The following UMAD1 variants were observed in gnomAD, a reference collection of about 807,000 sequenced individuals.
The protein encoded by UMAD1 is UBAP1-MVB12-associated (UMA)-domain containing protein 1.
UMAD1 carries 8 observed loss-of-function variants against 6.1 expected under a neutral mutation model. The ratio of observed to expected loss-of-function variants is 1.30; its 90% CI spans 0.76 to 2.35. UMAD1 has a LOEUF of 2.35. UMAD1 is among the 30% of genes most tolerant of loss of function. The probability of loss-of-function intolerance (pLI) is 0.00; values close to 1 mark genes in which losing one functional copy is unlikely to be tolerated. For missense variants in UMAD1, 130 were observed against 78.4 expected (o/e 1.66, Z -2.49); for synonymous variants, 56 against 31.4 (o/e 1.78, Z -2.61).
At chr7:7,691,336 AGTC>A (rs1486745826) in intron 2 of UMAD1, among the ~76,000 whole-genome samples, 13 of 152,362 alleles carry the variant, frequency 8.5e-5, no homozygotes, top group African/African-American at 2.2e-4. Flanking sequence ...AGATATTTGT[AGTC>A]GTCATCATTA....
intron 3 of UMAD1, among the ~76,000 whole-genome samples, chr7:7,856,989 G>A (rs1041742896): frequency 7.9e-5 from 12 of 152,124 alleles, no homozygotes; most frequent in African/African-American, 2.9e-4. Context: ...ACTTTTTATA[G>A]TTGATGATCC....
intron 2 of UMAD1, among the ~76,000 whole-genome samples, chr7:7,791,618 C>T (rs1391444765): frequency 6.6e-6 from 1 of 152,148 alleles, no homozygotes; most frequent in Non-Finnish European, 1.5e-5. Context: ...TCAAGATCTT[C>T]CAGAAAAATT....
chr7:7,698,125 G>A (rs1031125360), intron 2 of UMAD1, among the ~76,000 whole-genome samples: 7 of 152,224 alleles, frequency 4.6e-5, no homozygotes, highest in Admixed American at 2.6e-4. Flanking sequence ...GTTAGACACT[G>A]TGCTGACAGG....
At chr7:7,834,595 C>T (rs181754914) in intron 3 of UMAD1, among the ~76,000 whole-genome samples, 5 of 147,160 alleles carry the variant, frequency 3.4e-5, no homozygotes, top group Admixed American at 3.3e-4. Flanking sequence ...TTGCAGATGG[C>T]CACCTTCTTG....
rs547346666 is a variant in UMAD1, at chr7:7,840,134, CAG to C, written c.157-37144_157-37143del. ...GGGGCAGGGCAGGTCACAAAATTGG[CAG>C]AGTGTAGCTTCCAGAGTATGTGAGG... On this transcript the variant is annotated intron_variant, in intron 3 of 3. Transcript: ENST00000682710. 3.3e-5 allele frequency among the ~76,000 whole-genome samples: 5 copies of C among 152,212 alleles called. No individual in the cohort carries two copies. The South Asian group carries it at 1.0e-3, about 32-fold the overall frequency.
chr7:7,653,670 C>T (rs368388740), intron 1 of UMAD1, among the ~76,000 whole-genome samples: 14 of 152,172 alleles, frequency 9.2e-5, no homozygotes, highest in African/African-American at 2.2e-4. Flanking sequence ...TGAAGTCTGA[C>T]GCTCCCAGAC....
chr7:7,840,049 T>G (rs1292854989), intron 3 of UMAD1, among the ~76,000 whole-genome samples: 1 of 152,018 alleles, frequency 6.6e-6, no homozygotes, highest in Non-Finnish European at 1.5e-5. Flanking sequence ...TCAAGCTGGA[T>G]GAAGAAAGAA....
chr7:7,730,929 T>G (rs1781236993), intron 2 of UMAD1, among the ~76,000 whole-genome samples: 1 of 152,228 alleles, frequency 6.6e-6, no homozygotes, highest in Non-Finnish European at 1.5e-5. Context: ...CTAAAGTTGT[T>G]GAACTTTGAG....
intron 3 of UMAD1, among the ~76,000 whole-genome samples, chr7:7,825,144 G>A (rs1437999691): frequency 3.3e-5 from 5 of 152,174 alleles, no homozygotes; most frequent in African/African-American, 7.2e-5. Flanking sequence ...TGGATAGGAG[G>A]TGGGCGCAGG....
At chr7:7,732,543 A>G (rs1200123130) in intron 2 of UMAD1, among the ~76,000 whole-genome samples, 1 of 152,206 alleles carries the variant, frequency 6.6e-6, no homozygotes, top group Non-Finnish European at 1.5e-5. Flanking sequence ...AGACTTTAAC[A>G]TTGCAGTTTA....
chr7:7,853,171 C>T (rs1016093473), intron 3 of UMAD1, among the ~76,000 whole-genome samples: 13 of 152,200 alleles, frequency 8.5e-5, no homozygotes, highest in South Asian at 2.1e-4. Flanking sequence ...GACATTTAAT[C>T]GATTTCATTG....
At chr7:7,671,345 T>A (rs375601788) in intron 1 of UMAD1, among the ~76,000 whole-genome samples, 2 of 152,182 alleles carry the variant, frequency 1.3e-5, no homozygotes, top group Non-Finnish European at 2.9e-5. Flanking sequence ...AAGGCTTCAG[T>A]TGGAGACCCA....
chr7:7,678,348 CG>C (rs544427051), intron 2 of UMAD1, among the ~76,000 whole-genome samples: 330 of 148,876 alleles, frequency 2.2e-3, no homozygotes, highest in African/African-American at 7.5e-3. Flanking sequence ...CAATATTGAA[CG>C]TTTTTTTAAT....
intron 1 of UMAD1, among the ~76,000 whole-genome samples, chr7:7,643,962 C>A (rs947423433): frequency 6.6e-6 from 1 of 152,086 alleles, no homozygotes; most frequent in African/African-American, 2.4e-5. Context: ...TGCTACTGAC[C>A]CGTGAGGATA....
At chr7:7,719,656 G>T (rs1468761) in intron 2 of UMAD1, among the ~76,000 whole-genome samples, 1 of 151,634 alleles carries the variant, frequency 6.6e-6, no homozygotes, top group Admixed American at 6.6e-5. Flanking sequence ...TTTTTTTCAC[G>T]TTAGTGACTA....
chr7:7,719,043 A>G (rs147104077), intron 2 of UMAD1, among the ~76,000 whole-genome samples: 2 of 152,086 alleles, frequency 1.3e-5, no homozygotes, highest in African/African-American at 4.8e-5. Context: ...GTATTTTTGG[A>G]GATGACATAA....
chr7:7,778,296 G>GAGAC (rs1782267845), intron 2 of UMAD1, among the ~76,000 whole-genome samples: 1 of 149,502 alleles, frequency 6.7e-6, no homozygotes, highest in Admixed American at 6.7e-5. Flanking sequence ...GAGAGAGAGA[G>GAGAC]ACAGAGAGAG....
chr7:7,842,465 C>G (rs1308036577), intron 3 of UMAD1, among the ~76,000 whole-genome samples: 11 of 151,886 alleles, frequency 7.2e-5, no homozygotes, highest in Admixed American at 7.2e-4. Context: ...CTTAAGATGT[C>G]TTATTTCCAA....
intron 2 of UMAD1, among the ~76,000 whole-genome samples, chr7:7,756,143 C>G (rs548489397): frequency 6.6e-6 from 1 of 151,986 alleles, no homozygotes; most frequent in Admixed American, 6.6e-5. Context: ...GAAGTTGGAC[C>G]CCAAAGGGTA....
Sources: gnomAD v4.1 joint callset for allele counts (sites outside exome capture counted in the v4.1 genomes callset) on GRCh38, gnomAD v4.1.1 for gene constraint, MANE v1.5 for transcripts, NCBI Gene and HGNC (gene_info 2026-07-23, HGNC 2026-07-21) for gene names.